Variants in PHF8 observed in about 807,000 individuals in gnomAD.
PHF8 encodes histone lysine demethylase PHF8.
Under a neutral mutation model 74.4 loss-of-function variants are expected in PHF8, and 9 were observed. That is an observed-to-expected ratio of 0.12 (90% confidence interval 0.07 to 0.21). The LOEUF (loss-of-function observed/expected upper bound fraction) is 0.21, where lower values mean the gene tolerates loss of function less well. Among genes scored for constraint, PHF8 ranks in the 10% least tolerant of loss-of-function variants. The pLI is 1.00. For synonymous variants in PHF8, 311 were observed against 316.6 expected, an observed-to-expected ratio of 0.98 and a Z score of 0.19; for missense variants, 478 against 816.6, an observed-to-expected ratio of 0.59 and a Z score of 5.05.
chrX:53,962,872 ATTC>A lies in PHF8; in HGVS notation c.2508_2510del (p.Lys836del). On this transcript the variant is annotated inframe_deletion, in exon 19 of 22. Transcript: ENST00000338154. ...TAGGACTCCATGGAGCATCATCTGA[ATTC>A]TTCTTTTTCTTGGGTCGAGATTTCA... is the stretch of plus-strand genomic sequence containing the variant. 2 of 1,189,595 alleles carry A rather than the reference ATTC, an allele frequency of 1.7e-6. No homozygotes were observed. Among genetic ancestry groups the A allele is most frequent in the Non-Finnish European group, 2.3e-6 (2 of 875,591 alleles).
intron 18 of PHF8, among the ~76,000 whole-genome samples, chrX:53,979,207 C>A (rs1355296944): frequency 1.8e-5 from 2 of 111,060 alleles, no homozygotes; most frequent in Non-Finnish European, 3.8e-5. Context: ...ATGTTGAAGT[C>A]CTGTCTCAAC....
rs1343081662 is a variant in PHF8, at chrX:54,009,272, C to T, written c.946+1850G>A. Among the ~76,000 whole-genome samples the T allele has an allele frequency of 4.5e-5, 5 of 111,547 alleles. No individual in the cohort carries two copies. In the Admixed American group the frequency reaches 4.8e-4, roughly 11 times the overall value. On this transcript the variant is annotated intron_variant, in intron 8 of 21. Coordinates refer to ENST00000338154, the MANE Select transcript of PHF8 (RefSeq NM_015107.3). ...AATATACAAAGAACTGAATTGTACC[C>T]TTTAAAATGGTAAATTTTACAATAT... is the stretch of plus-strand genomic sequence containing the variant.
intron 16 of PHF8, 60 bp from the exon 17 acceptor site, chrX:53,986,009 A>G (rs782494879): frequency 1.2e-4 from 127 of 1,077,487 alleles, no homozygotes; most frequent in Non-Finnish European, 1.5e-4. Context: ...AGGCCCCAGT[A>G]CAGGGGCGAT....
At chrX:53,948,238 T>C (rs782306234) in intron 19 of PHF8, among the ~76,000 whole-genome samples, 1 of 111,929 alleles carries the variant, frequency 8.9e-6, no homozygotes, top group African/African-American at 3.3e-5. Flanking sequence ...TTACTAACTT[T>C]GGTAAGTATA....
intron 8 of PHF8, among the ~76,000 whole-genome samples, chrX:54,004,502 A>AAAGAAATCATCAT (rs1167722280): frequency 4.4e-5 from 5 of 112,434 alleles, no homozygotes; most frequent in Non-Finnish European, 9.4e-5. Flanking sequence ...CAAGAATTTG[A>AAAGAAATCATCAT]AAGAAATCAT....
intron 6 of PHF8, among the ~76,000 whole-genome samples, chrX:54,015,432 C>T (rs1453851437): frequency 1.8e-5 from 2 of 108,563 alleles, no homozygotes; most frequent in African/African-American, 6.7e-5. Flanking sequence ...AAAAATTAGC[C>T]GGGTGTGGTC....
At chrX:54,016,770 T>C in intron 5 of PHF8, 34 bp from the exon 6 acceptor site, 1 of 1,148,260 alleles carries the variant, frequency 8.7e-7, no homozygotes, top group Non-Finnish European at 1.2e-6. Flanking sequence ...CACCAAGTAG[T>C]CTCAGGGACT....
rs1377224288 is a variant in PHF8 at position 54,043,921 on chromosome X, C to A, written c.-252G>T. 1 of 754,897 alleles carries A rather than the reference C, an allele frequency of 1.3e-6. No homozygotes were observed. The allele number at this position is 754,897 out of a possible 1,213,427, so 62.2% of individuals were successfully genotyped here. On this transcript the variant is annotated 5_prime_UTR_variant, in exon 1 of 22. Transcript: ENST00000338154. Reference sequence around the variant, plus strand: ...CCCCAGCGACACGCCGGCAGCCGGGCTAGCTCCGGGACTGCGAAGCGCCTC... The same window carrying A: ...CCCCAGCGACACGCCGGCAGCCGGGATAGCTCCGGGACTGCGAAGCGCCTC...
intron 1 of PHF8, 78 bp downstream of exon 1, chrX:54,043,684 T>C (rs1461105368): frequency 3.7e-6 from 1 of 267,714 alleles, no homozygotes; most frequent in Admixed American, 9.4e-5. Context: ...GAGAGCTCCC[T>C]AGTCTCCCCA....
intron 2 of PHF8, among the ~76,000 whole-genome samples, chrX:54,030,184 T>C (rs1016146763): frequency 1.8e-5 from 2 of 111,577 alleles, no homozygotes; most frequent in African/African-American, 6.5e-5. Context: ...TGTATCTTAT[T>C]TACCAAAAGT....
chrX:53,988,512 A>C (rs781804807), intron 14 of PHF8, among the ~76,000 whole-genome samples: 1 of 111,654 alleles, frequency 9.0e-6, no homozygotes, highest in East Asian at 2.8e-4. Flanking sequence ...AAAATTAAAA[A>C]TTTTTGTATT....
chrX:54,030,317 C>T (rs989702948), intron 2 of PHF8, among the ~76,000 whole-genome samples: 10 of 111,493 alleles, frequency 9.0e-5, no homozygotes, highest in Non-Finnish European at 1.5e-4. Flanking sequence ...TGCACTGTCT[C>T]GATAGTTACC....
At chrX:53,942,404 A>G (rs1408419506) in intron 20 of PHF8, among the ~76,000 whole-genome samples, 3 of 112,269 alleles carry the variant, frequency 2.7e-5, no homozygotes, top group Non-Finnish European at 5.6e-5. Flanking sequence ...ACTATTACAT[A>G]ATTTAAATCC....
intron 8 of PHF8, among the ~76,000 whole-genome samples, chrX:54,009,798 G>A (rs1387577497): frequency 7.5e-5 from 6 of 79,874 alleles, no homozygotes; most frequent in South Asian, 9.8e-4. Context: ...AGCCGGGATC[G>A]CACCACTACA....
chrX:53,993,694 A>G lies in PHF8; in HGVS notation c.1533T>C (p.Ser511=), dbSNP rs2065704043. The part of the protein sequence containing the change: ...FKKAERKGKE[S]SALGPAGQLS... ...ACTGGCCAGCAGGCCCCAAGGCTGA[A>G]CTCTCCTTGCCCTTTCGCTCTGCCT... Residue 511 remains serine, a synonymous_variant, in exon 13 of 22, where the codon AGT becomes AGC. Transcript: ENST00000338154. The G allele has an allele frequency of 2.5e-6, 3 of 1,209,053 alleles. No individual in the cohort carries two copies. Among genetic ancestry groups the G allele is most frequent in the Non-Finnish European group, 3.4e-6 (3 of 893,125 alleles).
intron 5 of PHF8, 102 bp downstream of exon 5, chrX:54,017,548 TGAGATTCCCAA>T: frequency 1.6e-6 from 1 of 638,735 alleles, no homozygotes; most frequent in South Asian, 2.6e-5. Context: ...GCATTTCACC[TGAGATTCCCAA>T]GATGGTTACA....
rs199987311 is a variant in PHF8, at chrX:53,999,912, G to A, written c.1191C>T (p.Gly397=). Residue 397 remains glycine, a synonymous_variant, in exon 11 of 22, where the codon GGC becomes GGT. Coordinates refer to ENST00000338154, the MANE Select transcript of PHF8 (RefSeq NM_015107.3). ...CTCTAAAGGCCAAGTTCAAGGCTTT[G>A]CCACCATGGACCAGGTAGGAGGCAG... ...RHPASYLVHG[G]KALNLAFRAW... 1.6e-5 allele frequency: 19 copies of A among 1,203,956 alleles called. No individual in the cohort carries two copies. The highest frequency in any genetic ancestry group is 4.8e-4 in the Middle Eastern group (2 of 4,185).
intron 2 of PHF8, among the ~76,000 whole-genome samples, chrX:54,024,742 G>A (rs1172523498): frequency 8.9e-6 from 1 of 112,393 alleles, no homozygotes; most frequent in African/African-American, 3.2e-5. Flanking sequence ...CAGAAAGTAA[G>A]AGTAAGCATC....
At chrX:54,033,738 T>C (rs1461205521) in intron 2 of PHF8, among the ~76,000 whole-genome samples, 3 of 106,839 alleles carry the variant, frequency 2.8e-5, no homozygotes, top group Admixed American at 1.0e-4. Context: ...ATCATCATAA[T>C]AAAATAAATA....
Sources: gnomAD v4.1 joint callset for allele counts (sites outside exome capture counted in the v4.1 genomes callset) on GRCh38, gnomAD v4.1.1 for gene constraint, MANE v1.5 for transcripts, NCBI Gene and HGNC (gene_info 2026-07-23, HGNC 2026-07-21) for gene names.